FHIT: variants seen among roughly 807,000 people sequenced by gnomAD.
The protein encoded by FHIT is bis(5'-adenosyl)-triphosphatase.
A neutral mutation model predicts 17.9 loss-of-function variants in FHIT; 19 were observed. That is an observed-to-expected ratio of 1.06 (90% CI 0.74 to 1.56). The LOEUF (loss-of-function observed/expected upper bound fraction) is 1.56, where lower values mean the gene tolerates loss of function less well. Among genes scored for constraint, FHIT ranks in the 40% most tolerant of loss-of-function variants. FHIT has a pLI of 0.00. For missense variants in FHIT, 248 were observed against 189.2 expected, an observed-to-expected ratio of 1.31 and a Z score of -1.82; for synonymous variants, 81 against 69.7, an observed-to-expected ratio of 1.16 and a Z score of -0.81.
intron 4 of FHIT, among the ~76,000 whole-genome samples, chr3:60,616,272 A>G (rs1299401667): frequency 3.3e-5 from 5 of 152,228 alleles, no homozygotes; most frequent in Admixed American, 2.0e-4. Flanking sequence ...TTATTATACA[A>G]ATCTTCACAT....
At chr3:60,870,368 G>A (rs1461765634) in intron 3 of FHIT, among the ~76,000 whole-genome samples, 5 of 152,126 alleles carry the variant, frequency 3.3e-5, no homozygotes, top group Non-Finnish European at 7.4e-5. Context: ...ACAAAGAAAA[G>A]CTACAAAGAG....
intron 4 of FHIT, among the ~76,000 whole-genome samples, chr3:60,584,862 A>G (rs1258088600): frequency 2.0e-5 from 3 of 151,942 alleles, no homozygotes; most frequent in African/African-American, 4.8e-5. Context: ...CCTGAACTAT[A>G]TATTATTTGT....
chr3:60,104,225 G>A (rs183001573), intron 5 of FHIT, among the ~76,000 whole-genome samples: 78 of 152,250 alleles, frequency 5.1e-4, no homozygotes, highest in African/African-American at 1.5e-3. Flanking sequence ...GAGTGGTCAC[G>A]TAGCCATAAG....
chr3:60,155,327 C>T (rs981536988), intron 5 of FHIT, among the ~76,000 whole-genome samples: 2 of 152,156 alleles, frequency 1.3e-5, no homozygotes, highest in Non-Finnish European at 2.9e-5. Flanking sequence ...GCTCCACCAG[C>T]AGGTTCAAGC....
At chr3:60,553,680 T>C (rs2107630607) in intron 4 of FHIT, among the ~76,000 whole-genome samples, 1 of 151,906 alleles carries the variant, frequency 6.6e-6, no homozygotes, top group Admixed American at 6.6e-5. Context: ...CAAAAATGTA[T>C]AACATTTAGA....
intron 4 of FHIT, among the ~76,000 whole-genome samples, chr3:60,741,972 C>T (rs1340747653): frequency 6.6e-6 from 1 of 152,178 alleles, no homozygotes; most frequent in Non-Finnish European, 1.5e-5. Context: ...CAGAAGGTTG[C>T]AACTCAGGAA....
At chr3:60,569,297 C>T (rs2037252349) in intron 4 of FHIT, among the ~76,000 whole-genome samples, 1 of 152,096 alleles carries the variant, frequency 6.6e-6, no homozygotes, top group Non-Finnish European at 1.5e-5. Context: ...AAGGATACCT[C>T]CTGGCCACCA....
intron 7 of FHIT, among the ~76,000 whole-genome samples, chr3:59,998,979 A>C (rs1481060644): frequency 6.6e-6 from 1 of 152,126 alleles, no homozygotes; most frequent in Non-Finnish European, 1.5e-5. Context: ...TAAATCTCTG[A>C]GGCCGGGCTC....
chr3:59,978,799 T>C (rs1708524539), intron 7 of FHIT, among the ~76,000 whole-genome samples: 1 of 151,536 alleles, frequency 6.6e-6, no homozygotes, highest in Admixed American at 6.6e-5. Flanking sequence ...ATCTAAGAAA[T>C]GGGATCTGGG....
chr3:60,912,072 C>CAT (rs1491206094), intron 3 of FHIT, among the ~76,000 whole-genome samples: 4 of 148,132 alleles, frequency 2.7e-5, no homozygotes, highest in African/African-American at 5.1e-5. Flanking sequence ...CACACACACA[C>CAT]GTACACACAC....
intron 5 of FHIT, among the ~76,000 whole-genome samples, chr3:60,022,898 C>A (rs1405001013): frequency 6.6e-6 from 1 of 152,146 alleles, no homozygotes; most frequent in Non-Finnish European, 1.5e-5. Context: ...CTCTCAGTAA[C>A]CGTTATGAAA....
chr3:61,227,084 A>G (rs2039989444), intron 1 of FHIT, among the ~76,000 whole-genome samples: 1 of 152,232 alleles, frequency 6.6e-6, no homozygotes, highest in Admixed American at 6.5e-5. Flanking sequence ...CATTTAAGTT[A>G]AGGTCAGAAG....
At chr3:59,805,142 C>T (rs1700146723) in intron 8 of FHIT, among the ~76,000 whole-genome samples, 1 of 152,076 alleles carries the variant, frequency 6.6e-6, no homozygotes, top group African/African-American at 2.4e-5. Context: ...CAAAGTGTCC[C>T]TTTCCGGCGT....
chr3:60,681,870 G>A (rs1315035280), intron 4 of FHIT, among the ~76,000 whole-genome samples: 1 of 152,042 alleles, frequency 6.6e-6, no homozygotes, highest in African/African-American at 2.4e-5. Flanking sequence ...GCCATCTCCA[G>A]AACATAAAAG....
At chr3:60,087,631 G>A (rs1164759276) in intron 5 of FHIT, among the ~76,000 whole-genome samples, 1 of 152,008 alleles carries the variant, frequency 6.6e-6, no homozygotes, top group African/African-American at 2.4e-5. Context: ...TTTTAAGTTC[G>A]ACCTTCCACA....
chr3:61,187,129 C>A (rs2038539415), intron 2 of FHIT, among the ~76,000 whole-genome samples: 2 of 152,146 alleles, frequency 1.3e-5, no homozygotes, highest in South Asian at 4.1e-4. Flanking sequence ...ATCAGTCAGT[C>A]ATGTAGGTGA....
intron 5 of FHIT, among the ~76,000 whole-genome samples, chr3:60,360,540 G>A (rs990249972): frequency 1.3e-5 from 2 of 152,102 alleles, no homozygotes; most frequent in Non-Finnish European, 2.9e-5. Flanking sequence ...CCTTGGGTAA[G>A]GCATATAACT....
chr3:61,202,041 C>T (rs2039032610), intron 1 of FHIT, among the ~76,000 whole-genome samples: 2 of 148,860 alleles, frequency 1.3e-5, no homozygotes, highest in South Asian at 2.1e-4. Flanking sequence ...TATATATATA[C>T]CTACATATAT....
intron 8 of FHIT, among the ~76,000 whole-genome samples, chr3:59,778,506 C>T (rs1415886125): frequency 1.3e-5 from 2 of 152,132 alleles, no homozygotes; most frequent in Non-Finnish European, 2.9e-5. Flanking sequence ...TGTAAAGGGC[C>T]AGAGAGTAAC....
Sources: allele counts gnomAD v4.1 joint callset (sites outside exome capture counted in the v4.1 genomes callset), GRCh38; gene constraint gnomAD v4.1.1; transcripts MANE v1.5; gene names NCBI Gene and HGNC (gene_info 2026-07-23, HGNC 2026-07-21).